The following CNTNAP2 variants were observed in gnomAD, a reference collection of about 807,000 sequenced individuals.
CNTNAP2 encodes contactin-associated protein-like 2.
CNTNAP2 carries 98 observed loss-of-function variants against 155.2 expected under a neutral mutation model. That is an observed-to-expected ratio of 0.63 (90% CI 0.54 to 0.75). CNTNAP2 has a LOEUF of 0.75. Among genes scored for constraint, CNTNAP2 ranks in the 30% least tolerant of loss-of-function variants. The pLI, the probability that CNTNAP2 is intolerant of heterozygous loss-of-function variation, is 0.00. For missense variants in CNTNAP2, 1,727 were observed against 1,688.1 expected, an observed-to-expected ratio of 1.02 and a Z score of -0.40; for synonymous variants, 651 against 631.2, an observed-to-expected ratio of 1.03 and a Z score of -0.47.
chr7:147,022,357 A>T (rs1045029361), intron 3 of CNTNAP2, among the ~76,000 whole-genome samples: 6 of 152,108 alleles, frequency 3.9e-5, no homozygotes, highest in Non-Finnish European at 8.8e-5. Context: ...AAATTACCCA[A>T]AATTGATCAT....
intron 15 of CNTNAP2, among the ~76,000 whole-genome samples, chr7:148,008,614 G>A (rs1415635472): frequency 6.6e-6 from 1 of 152,058 alleles, no homozygotes; most frequent in Non-Finnish European, 1.5e-5. Flanking sequence ...CCTTTAATGC[G>A]AAATGTTATG....
chr7:147,830,425 C>CA (rs2116634355), intron 13 of CNTNAP2, among the ~76,000 whole-genome samples: 1 of 152,204 alleles, frequency 6.6e-6, no homozygotes, highest in Admixed American at 6.5e-5. Context: ...ACTTCCCCCC[C>CA]AAAAGGCCCC....
chr7:147,344,614 G>C (rs1245505791), intron 9 of CNTNAP2, among the ~76,000 whole-genome samples: 1 of 152,110 alleles, frequency 6.6e-6, no homozygotes, highest in Non-Finnish European at 1.5e-5. Context: ...AAAACCCCAT[G>C]ATAAAACTTT....
At chr7:146,760,775 G>A (rs10952659) in intron 1 of CNTNAP2, among the ~76,000 whole-genome samples, 4 of 151,514 alleles carry the variant, frequency 2.6e-5, no homozygotes, top group East Asian at 1.9e-4. Flanking sequence ...TAGAACATTC[G>A]TCCAATAATG....
At position 148,379,949 on chromosome 7, in the gene CNTNAP2, G is replaced by A. The variant is rs558187810; in HGVS notation, c.3476-3700G>A. Reference sequence around the variant, plus strand: ...GAGCGGGAAAGCATGCTAATGCATCGCAAATGGAGTTGCTGCATTTCCTTA... The same window carrying A: ...GAGCGGGAAAGCATGCTAATGCATCACAAATGGAGTTGCTGCATTTCCTTA... On this transcript the variant is annotated intron_variant, in intron 21 of 23. Transcript: ENST00000361727. Among the ~76,000 whole-genome samples the A allele has an allele frequency of 6.7e-4, 102 of 152,280 alleles. 1 individual carries two copies. The highest frequency in any genetic ancestry group is 3.4e-3 in the Middle Eastern group (1 of 294).
chr7:147,719,709 TA>T (rs1289198195), intron 13 of CNTNAP2, among the ~76,000 whole-genome samples: 3 of 152,108 alleles, frequency 2.0e-5, no homozygotes, highest in Non-Finnish European at 4.4e-5. Context: ...TGAATAATAT[TA>T]AAAACAAGAG....
intron 1 of CNTNAP2, among the ~76,000 whole-genome samples, chr7:146,718,069 A>G (rs1174680900): frequency 1.3e-5 from 2 of 152,142 alleles, no homozygotes; most frequent in East Asian, 1.9e-4. Context: ...TATAATAACA[A>G]TTACCATCCT....
chr7:146,786,194 C>T (rs1268038813), intron 2 of CNTNAP2, among the ~76,000 whole-genome samples: 3 of 152,172 alleles, frequency 2.0e-5, no homozygotes, highest in Admixed American at 2.0e-4. Context: ...TTTTCAATAT[C>T]TACTCTCCTG....
chr7:146,353,585 A>G (rs1042623742), intron 1 of CNTNAP2, among the ~76,000 whole-genome samples: 5 of 152,212 alleles, frequency 3.3e-5, no homozygotes, highest in African/African-American at 1.2e-4. Flanking sequence ...GTGGCAATGT[A>G]GACTAATAGG....
At chr7:146,977,469 CAGG>C (rs1372589905) in intron 3 of CNTNAP2, among the ~76,000 whole-genome samples, 2 of 152,142 alleles carry the variant, frequency 1.3e-5, no homozygotes, top group Admixed American at 6.6e-5. Context: ...GGAAGACTCT[CAGG>C]AGGAGTCTCC....
chr7:148,093,399 T>A (rs1803891430), intron 15 of CNTNAP2, among the ~76,000 whole-genome samples: 1 of 152,226 alleles, frequency 6.6e-6, no homozygotes, highest in South Asian at 2.1e-4. Context: ...AGAAACCTTC[T>A]CTGATATGAC....
chr7:147,546,019 A>G (rs1162943289), intron 11 of CNTNAP2, among the ~76,000 whole-genome samples: 1 of 152,124 alleles, frequency 6.6e-6, no homozygotes, highest in Non-Finnish European at 1.5e-5. Context: ...ATGATTGTGA[A>G]GCCTCCCCAG....
At chr7:146,483,138 T>A (rs531525862) in intron 1 of CNTNAP2, among the ~76,000 whole-genome samples, 1 of 150,106 alleles carries the variant, frequency 6.7e-6, no homozygotes, top group South Asian at 2.1e-4. Flanking sequence ...TAGCCGGGCA[T>A]GGTGGCGGGC....
intron 3 of CNTNAP2, among the ~76,000 whole-genome samples, chr7:146,947,410 C>CTCTCTA (rs1554413860): frequency 5.4e-4 from 66 of 122,666 alleles, no homozygotes; most frequent in Middle Eastern, 4.1e-3. Context: ...CTCTCTCTCT[C>CTCTCTA]TATATATATA....
intron 15 of CNTNAP2, among the ~76,000 whole-genome samples, chr7:148,064,345 T>C (rs1455072615): frequency 6.6e-6 from 1 of 152,124 alleles, no homozygotes; most frequent in African/African-American, 2.4e-5. Context: ...CAATATTTAT[T>C]CTACCTATCC....
intron 3 of CNTNAP2, among the ~76,000 whole-genome samples, chr7:146,950,310 C>CT (rs1443609465): frequency 1.3e-5 from 2 of 151,884 alleles, no homozygotes; most frequent in Admixed American, 6.6e-5. Flanking sequence ...ACTTTTCTTT[C>CT]TTTTTTTATA....
chr7:146,988,074 C>T (rs1457227681), intron 3 of CNTNAP2, among the ~76,000 whole-genome samples: 1 of 151,978 alleles, frequency 6.6e-6, no homozygotes, highest in African/African-American at 2.4e-5. Flanking sequence ...GTTTTTAGTT[C>T]AATTAATATT....
intron 1 of CNTNAP2, among the ~76,000 whole-genome samples, chr7:146,184,768 G>T (rs1798599182): frequency 6.6e-6 from 1 of 152,142 alleles, no homozygotes; most frequent in African/African-American, 2.4e-5. Flanking sequence ...GTAGTTGAAA[G>T]AAGTTTTGAA....
intron 11 of CNTNAP2, among the ~76,000 whole-genome samples, chr7:147,494,520 G>A (rs1798664982): frequency 6.7e-6 from 1 of 148,746 alleles, no homozygotes; most frequent in Non-Finnish European, 1.5e-5. Context: ...AAAGCAGTGT[G>A]CTGTAAAGAC....
Sources: gnomAD v4.1 joint callset for allele counts (sites outside exome capture counted in the v4.1 genomes callset) on GRCh38, gnomAD v4.1.1 for gene constraint, MANE v1.5 for transcripts, NCBI Gene and HGNC (gene_info 2026-07-23, HGNC 2026-07-21) for gene names.